Variants in AK9 observed in about 807,000 individuals in gnomAD.
The protein encoded by AK9 is adenylate kinase 9.
AK9 carries 191 observed loss-of-function variants against 239.6 expected under a neutral mutation model. The observed-to-expected ratio is 0.80, with a 90% confidence interval of 0.71 to 0.90. AK9 has a LOEUF of 0.90. AK9 is among the 40% of genes least tolerant of loss of function. The probability of loss-of-function intolerance (pLI) is 0.00; values close to 1 mark genes in which losing one functional copy is unlikely to be tolerated. For missense variants in AK9, 1,995 were observed against 2,214.7 expected (o/e 0.90, Z 1.99); for synonymous variants, 689 against 721.0 (o/e 0.96, Z 0.71).
intron 24 of AK9, 150 bp downstream of exon 24, chr6:109,563,447 G>C: frequency 8.2e-7 from 1 of 1,215,210 alleles, no homozygotes; most frequent in Non-Finnish European, 1.1e-6. Flanking sequence ...GGAATTTCAG[G>C]GGGGTCAAGT....
chr6:109,632,729 A>G (rs1030232603), intron 12 of AK9, 194 bp downstream of exon 12: 60 of 1,260,286 alleles, frequency 4.8e-5, no homozygotes, highest in Non-Finnish European at 6.1e-5. Context: ...AAGCAGCAAT[A>G]AACAACAAAA....
chr6:109,573,663 G>C, intron 20 of AK9, 69 bp from the exon 21 acceptor site: 1 of 1,407,126 alleles, frequency 7.1e-7, no homozygotes, highest in South Asian at 1.4e-5. Context: ...GTGTTGATAA[G>C]TGCTGAAGCC....
intron 26 of AK9, 79 bp downstream of exon 26, chr6:109,545,788 T>G: frequency 1.3e-6 from 2 of 1,495,452 alleles, no homozygotes; most frequent in Non-Finnish European, 1.8e-6. Context: ...GGGTGACAGA[T>G]GGAGACCCTG....
At chr6:109,582,906 C>G (rs1405051241) in intron 19 of AK9, among the ~76,000 whole-genome samples, 1 of 152,134 alleles carries the variant, frequency 6.6e-6, no homozygotes, top group Non-Finnish European at 1.5e-5. Flanking sequence ...CCTTATCGGT[C>G]AGCAGCCAAC....
At chr6:109,514,487 C>A in intron 31 of AK9, 50 bp from the exon 32 acceptor site, 2 of 1,413,374 alleles carry the variant, frequency 1.4e-6, no homozygotes, top group Non-Finnish European at 9.5e-7. Context: ...ATTTTTACAG[C>A]ACTTCCCTGA....
At chr6:109,509,511 A>G in intron 32 of AK9, 131 bp from the exon 33 acceptor site, 1 of 810,262 alleles carries the variant, frequency 1.2e-6, no homozygotes. Flanking sequence ...CCCAAGTAGC[A>G]AACATAGTGA....
At chr6:109,646,410 G>A (rs1451021520) in intron 8 of AK9, among the ~76,000 whole-genome samples, 5 of 152,122 alleles carry the variant, frequency 3.3e-5, no homozygotes, top group Admixed American at 6.6e-5. Flanking sequence ...ATGACATGAT[G>A]GAGCTGAAAA....
chr6:109,675,354 T>C (rs1468359770), intron 2 of AK9, among the ~76,000 whole-genome samples: 1 of 152,194 alleles, frequency 6.6e-6, no homozygotes, highest in Admixed American at 6.5e-5. Flanking sequence ...ATGTACCACA[T>C]CTTCTTTATC....
chr6:109,659,396 C>T lies in AK9; in HGVS notation c.462G>A (p.Leu154=), dbSNP rs746225947. The T allele has an allele frequency of 1.4e-5, 23 of 1,608,578 alleles. No individual in the cohort carries two copies. The Admixed American group carries it at 1.5e-4, about 11-fold the overall frequency. The change falls in exon 7 of 41, where the codon TTG becomes TTA. Residue 154 remains leucine, a synonymous_variant. Transcript: ENST00000424296. ...GTCTTTGCCCAGAAATTCTCTGGCA[C>T]AAATCATAGTCAGGACACTAAGAAA... ...IINIKCPDYD[L]CQRISGQRQH...
At chr6:109,534,680 C>T (rs549906358) in intron 27 of AK9, among the ~76,000 whole-genome samples, 3 of 151,984 alleles carry the variant, frequency 2.0e-5, no homozygotes, top group Non-Finnish European at 1.5e-5. Flanking sequence ...TATACATGTG[C>T]CATGTCATGT....
At chr6:109,600,391 C>G (rs188204591) in intron 17 of AK9, among the ~76,000 whole-genome samples, 1 of 151,850 alleles carries the variant, frequency 6.6e-6, no homozygotes, top group Non-Finnish European at 1.5e-5. Flanking sequence ...TATTGATTTG[C>G]GTATATTGAA....
chr6:109,615,693 T>C (rs1794097369), intron 13 of AK9, among the ~76,000 whole-genome samples: 1 of 152,136 alleles, frequency 6.6e-6, no homozygotes, highest in African/African-American at 2.4e-5. Flanking sequence ...GAGAGGCAGA[T>C]TTATTAGGTA....
chr6:109,672,120 C>T lies in AK9; in HGVS notation c.229G>A (p.Val77Ile). 2.5e-6 allele frequency: 4 copies of T among 1,613,364 alleles called. No individual in the cohort carries two copies. The highest frequency in any genetic ancestry group is 1.3e-5 in the African/African-American group (1 of 74,984). The change falls in exon 4 of 41, where the codon GTT becomes ATT. Residue 77 changes from valine (V) to isoleucine (I), a missense_variant. By Grantham distance (29) the Val-to-Ile change is conservative. Coordinates refer to ENST00000424296, the MANE Select transcript of AK9 (RefSeq NM_001145128.3). ...TGAAATTTAGGTTTGTTTACCATAA[C>T]TCCTGATTCGGTTTCAGCAGCAATC... ...EQIAAETESGVMLQSMLISGQ... is the reference protein window; with the variant it reads ...EQIAAETESGIMLQSMLISGQ...
At chr6:109,637,872 G>T (rs1353884022) in intron 10 of AK9, among the ~76,000 whole-genome samples, 4 of 152,164 alleles carry the variant, frequency 2.6e-5, no homozygotes, top group Non-Finnish European at 5.9e-5. Flanking sequence ...AGACTTAAGT[G>T]GGCATAGGAA....
Position 109,545,988 on chromosome 6 carries a change from T to G in AK9, c.3104A>C (p.Glu1035Ala). Residue 1035 changes from glutamate to alanine, a missense_variant, in exon 26 of 41, where the codon GAA becomes GCA. By Grantham distance (107) the Glu-to-Ala change is moderately radical. Coordinates refer to ENST00000424296, the MANE Select transcript of AK9 (RefSeq NM_001145128.3). The stretch of plus-strand genomic sequence containing the variant: ...CTCAAATTCAGGTCCCACTTTCTTT[T>G]CAGTTTTGAGTAGTAGTTTTTCTTG... ...VLQEKLLLKT[E>A]KKVGPEFEED... 1 of 1,614,236 alleles carries G rather than the reference T, an allele frequency of 6.2e-7. No individual in the cohort carries two copies. Among genetic ancestry groups the G allele is most frequent in the Non-Finnish European group, 8.5e-7 (1 of 1,180,042 alleles).
chr6:109,514,554 A>G, intron 31 of AK9, 117 bp from the exon 32 acceptor site: 3 of 858,494 alleles, frequency 3.5e-6, no homozygotes, highest in Non-Finnish European at 5.2e-6. Flanking sequence ...TTACAGAATA[A>G]GAAAACTAAT....
At chr6:109,612,206 T>A (rs1168043349) in intron 15 of AK9, 113 bp from the exon 16 acceptor site, 1 of 613,522 alleles carries the variant, frequency 1.6e-6, no homozygotes, top group Non-Finnish European at 2.8e-6. Flanking sequence ...TTCCCAATTT[T>A]TAATTAAAAT....
chr6:109,577,129 C>T (rs1788200836), intron 20 of AK9, among the ~76,000 whole-genome samples: 1 of 152,098 alleles, frequency 6.6e-6, no homozygotes, highest in Non-Finnish European at 1.5e-5. Flanking sequence ...TGTGCCCGGC[C>T]ATAGATGGCT....
chr6:109,577,535 T>C (rs1788252886), intron 20 of AK9, among the ~76,000 whole-genome samples: 1 of 152,152 alleles, frequency 6.6e-6, no homozygotes, highest in Non-Finnish European at 1.5e-5. Flanking sequence ...TCTCTATCTT[T>C]TGGAATAGTT....
Sources: gnomAD v4.1 joint callset for allele counts (sites outside exome capture counted in the v4.1 genomes callset) on GRCh38, gnomAD v4.1.1 for gene constraint, MANE v1.5 for transcripts, NCBI Gene and HGNC (gene_info 2026-07-23, HGNC 2026-07-21) for gene names.